The following ROBO1 variants were observed in gnomAD, a reference collection of about 807,000 sequenced individuals.
ROBO1 encodes roundabout homolog 1.
In ROBO1, 149 loss-of-function variants were observed where a neutral mutation model predicts 195.9. That is an observed-to-expected ratio of 0.76 (90% CI 0.67 to 0.87). The LOEUF (loss-of-function observed/expected upper bound fraction) is 0.87, where lower values mean the gene tolerates loss of function less well. ROBO1 is among the 40% of genes least tolerant of loss of function. ROBO1 has a pLI of 0.00. For missense variants in ROBO1, 1,933 were observed against 2,068.3 expected, an observed-to-expected ratio of 0.93 and a Z score of 1.27; for synonymous variants, 816 against 733.2, an observed-to-expected ratio of 1.11 and a Z score of -1.82.
intron 2 of ROBO1, among the ~76,000 whole-genome samples, chr3:79,478,262 C>T (rs78228485): frequency 0.011 from 1,632 of 152,096 alleles, 30 homozygotes; most frequent in African/African-American, 0.037. Flanking sequence ...TAGAGAAATG[C>T]CTTGATGTTC....
At chr3:79,303,744 G>A (rs956689509) in intron 2 of ROBO1, among the ~76,000 whole-genome samples, 1 of 152,052 alleles carries the variant, frequency 6.6e-6, no homozygotes. Flanking sequence ...TCAGAATTAC[G>A]TTAAACTATG....
intron 3 of ROBO1, among the ~76,000 whole-genome samples, chr3:79,102,585 A>G (rs982266449): frequency 1.2e-4 from 18 of 151,840 alleles, no homozygotes; most frequent in African/African-American, 4.3e-4. Flanking sequence ...ATTAAGAAAC[A>G]AAGTATTGGA....
At chr3:79,358,241 GA>G (rs138237237) in intron 2 of ROBO1, among the ~76,000 whole-genome samples, 2,134 of 152,162 alleles carry the variant, frequency 0.014, 40 homozygotes, top group African/African-American at 0.047. Context: ...GAAACACTAA[GA>G]ATAGTGTTTG....
intron 22 of ROBO1, 73 bp from the exon 23 acceptor site, chr3:78,636,181 C>G: frequency 9.2e-7 from 1 of 1,084,502 alleles, no homozygotes; most frequent in African/African-American, 1.6e-5. Context: ...TTTTACGTAG[C>G]TTTGCGAGTC....
intron 2 of ROBO1, among the ~76,000 whole-genome samples, chr3:79,214,075 C>T (rs1426136555): frequency 1.3e-5 from 2 of 151,936 alleles, no homozygotes; most frequent in Non-Finnish European, 2.9e-5. Flanking sequence ...ATCCACCTGC[C>T]AAGGTCTCCC....
chr3:78,835,694 A>C (rs1414216837), intron 4 of ROBO1, among the ~76,000 whole-genome samples: 2 of 152,200 alleles, frequency 1.3e-5, no homozygotes, highest in Admixed American at 1.3e-4. Flanking sequence ...ATTGACTGAA[A>C]AATGCATAAC....
intron 3 of ROBO1, among the ~76,000 whole-genome samples, chr3:79,073,412 G>A (rs1255876701): frequency 6.6e-6 from 1 of 151,798 alleles, no homozygotes; most frequent in Non-Finnish European, 1.5e-5. Flanking sequence ...AAATGGATAT[G>A]GGAACCATCA....
intron 2 of ROBO1, among the ~76,000 whole-genome samples, chr3:79,156,941 T>C (rs1043861585): frequency 2.6e-5 from 4 of 151,900 alleles, no homozygotes; most frequent in African/African-American, 4.8e-5. Flanking sequence ...CATCTAGTTA[T>C]GGATTCTTTC....
At chr3:79,711,527 T>A (rs1202044370) in intron 1 of ROBO1, among the ~76,000 whole-genome samples, 1 of 152,140 alleles carries the variant, frequency 6.6e-6, no homozygotes, top group Non-Finnish European at 1.5e-5. Flanking sequence ...TAGAAAAGTA[T>A]GAAAAAGGAA....
At chr3:78,799,076 G>A (rs991287631) in intron 4 of ROBO1, among the ~76,000 whole-genome samples, 2 of 152,118 alleles carry the variant, frequency 1.3e-5, no homozygotes, top group Non-Finnish European at 2.9e-5. Flanking sequence ...CATATAGTGG[G>A]TTCCAATGAT....
At chr3:79,668,981 G>A (rs1946553183) in intron 1 of ROBO1, among the ~76,000 whole-genome samples, 1 of 151,858 alleles carries the variant, frequency 6.6e-6, no homozygotes, top group African/African-American at 2.4e-5. Context: ...GGTCCCATAA[G>A]TTTAAAATAG....
intron 2 of ROBO1, among the ~76,000 whole-genome samples, chr3:79,492,407 A>G (rs1939508584): frequency 7.0e-6 from 1 of 142,966 alleles, no homozygotes; most frequent in South Asian, 2.4e-4. Context: ...CCTGGGCAAT[A>G]AGAGTGAGAC....
At chr3:79,087,224 A>C (rs925175558) in intron 3 of ROBO1, among the ~76,000 whole-genome samples, 16 of 151,184 alleles carry the variant, frequency 1.1e-4, no homozygotes, top group Non-Finnish European at 1.9e-4. Context: ...ATTAAAAAAC[A>C]GTCAAAGGAT....
chr3:79,489,336 TAAAC>T (rs1939327746), intron 2 of ROBO1, among the ~76,000 whole-genome samples: 1 of 152,106 alleles, frequency 6.6e-6, no homozygotes, highest in Admixed American at 6.6e-5. Flanking sequence ...TTATTCATCA[TAAAC>T]AGTCACTTAA....
intron 2 of ROBO1, among the ~76,000 whole-genome samples, chr3:79,366,157 T>C (rs1474932782): frequency 6.6e-6 from 1 of 152,264 alleles, no homozygotes; most frequent in African/African-American, 2.4e-5. Flanking sequence ...CTCAGTTTTC[T>C]TACCTGTACA....
chr3:79,624,390 G>C (rs1009714455), intron 1 of ROBO1, among the ~76,000 whole-genome samples: 1 of 152,048 alleles, frequency 6.6e-6, no homozygotes, highest in Non-Finnish European at 1.5e-5. Flanking sequence ...ACAATTAAAA[G>C]ACACAGATTG....
intron 1 of ROBO1, among the ~76,000 whole-genome samples, chr3:79,693,036 A>G (rs1040455485): frequency 1.3e-4 from 19 of 151,766 alleles, no homozygotes; most frequent in Non-Finnish European, 1.0e-4. Context: ...GGTGCTCAAA[A>G]AGTTTCAGAT....
intron 3 of ROBO1, among the ~76,000 whole-genome samples, chr3:79,097,072 T>G (rs2108502114): frequency 6.6e-6 from 1 of 151,890 alleles, no homozygotes; most frequent in African/African-American, 2.4e-5. Context: ...TTAACAAATC[T>G]TCCCCTAAAT....
chr3:78,854,321 GTA>G (rs928860929), intron 4 of ROBO1, among the ~76,000 whole-genome samples: 1 of 147,200 alleles, frequency 6.8e-6, no homozygotes, highest in African/African-American at 2.5e-5. Context: ...ATTTTTATTA[GTA>G]TATATTTATT....
Sources: allele counts gnomAD v4.1 joint callset (sites outside exome capture counted in the v4.1 genomes callset), GRCh38; gene constraint gnomAD v4.1.1; transcripts MANE v1.5; gene names NCBI Gene and HGNC (gene_info 2026-07-23, HGNC 2026-07-21).